The following ACSBG2 variants were observed in gnomAD, a reference collection of about 807,000 sequenced individuals.
The protein encoded by ACSBG2 is acyl-CoA synthetase bubblegum family member 2, also known as long-chain-fatty-acid--CoA ligase ACSBG2.
In ACSBG2, 62 loss-of-function variants were observed where a neutral mutation model predicts 74.7. The observed-to-expected ratio is 0.83, with a 90% confidence interval of 0.68 to 1.03. ACSBG2 has a LOEUF of 1.03. Ranked by LOEUF, ACSBG2 falls within the 50% of genes least tolerant of loss-of-function variation. ACSBG2 has a pLI of 0.00. For missense variants in ACSBG2, 730 were observed against 817.6 expected, an observed-to-expected ratio of 0.89 and a Z score of 1.31; for synonymous variants, 309 against 294.1, an observed-to-expected ratio of 1.05 and a Z score of -0.52.
chr19:6,136,773 G>A (rs1191700825), intron 1 of ACSBG2, among the ~76,000 whole-genome samples: 3 of 151,890 alleles, frequency 2.0e-5, no homozygotes, highest in Non-Finnish European at 2.9e-5. Flanking sequence ...TTTTCACTTC[G>A]TGAAATCGAA....
rs2088541223 is a variant in ACSBG2 at position 6,135,795 on chromosome 19, G to A, written c.-146G>A. The A allele has an allele frequency of 1.3e-5, 2 of 152,254 alleles. No individual in the cohort carries two copies. Among genetic ancestry groups the A allele is most frequent in the African/African-American group, 4.8e-5 (2 of 41,442 alleles). 9.4% of individuals were successfully genotyped at this position (152,254 alleles called of 1,614,324 possible). On this transcript the variant is annotated 5_prime_UTR_variant, in exon 1 of 15. Transcript: ENST00000588485. ...GGGCAGCTCATGTTCAGGTTTCCAG[G>A]AGGGGCTACCTGTTGACTGTCTTTG...
rs2090038249 is a variant in ACSBG2, at chr19:6,174,263, G to A, written c.739-2966G>A. Among the ~76,000 whole-genome samples, 1 of 152,088 alleles carries A rather than the reference G, an allele frequency of 6.6e-6. No individual in the cohort carries two copies. ...TCACTCTTGAACTTCTTAACCTGGT[G>A]GCTGACTCTCCCAACAGCAAGTGGT... On this transcript the variant is annotated intron_variant, in intron 7 of 14. Transcript: ENST00000588485. The surrounding 1 kb of genome is among the most constrained non-coding windows in gnomAD (Gnocchi z 4.2).
At chr19:6,161,501 C>T (rs2089615556) in intron 6 of ACSBG2, 1 of 487,272 alleles carries the variant, frequency 2.1e-6, no homozygotes, top group Non-Finnish European at 3.8e-6. Flanking sequence ...GTGGGTGTGA[C>T]CTTTCAAAGG....
intron 2 of ACSBG2, among the ~76,000 whole-genome samples, chr19:6,143,330 G>A (rs1162587287): frequency 1.3e-5 from 2 of 151,924 alleles, no homozygotes; most frequent in Non-Finnish European, 2.9e-5. Context: ...GTTGCAGTGA[G>A]CCAAGATCAC....
intron 1 of ACSBG2, among the ~76,000 whole-genome samples, chr19:6,136,185 A>G (rs2088557951): frequency 1.3e-5 from 2 of 150,256 alleles, no homozygotes; most frequent in African/African-American, 2.5e-5. Context: ...TTCGCCTCCC[A>G]GGTTCACACC....
At chr19:6,167,531 T>A (rs2089843156) in intron 7 of ACSBG2, among the ~76,000 whole-genome samples, 1 of 152,234 alleles carries the variant, frequency 6.6e-6, no homozygotes, top group Non-Finnish European at 1.5e-5. Flanking sequence ...TCTCTGAATT[T>A]CTCATTTTAA....
chr19:6,181,564 G>A lies in ACSBG2; in HGVS notation c.907-1187G>A, dbSNP rs577714818. 2.1e-3 allele frequency among the ~76,000 whole-genome samples: 313 copies of A among 152,234 alleles called. 2 individuals carry two copies. The highest frequency in any genetic ancestry group is 6.8e-3 in the Middle Eastern group (2 of 294). ...AGAGGAAAAAGTGTTTAAGTTGGAT[G>A]AAGTTTGATTTATCTATTTTCTTTT... On this transcript the variant is annotated intron_variant, in intron 8 of 14. Coordinates refer to ENST00000588485, the MANE Select transcript of ACSBG2 (RefSeq NM_030924.5).
At chr19:6,163,058 T>A (rs997607833) in intron 6 of ACSBG2, among the ~76,000 whole-genome samples, 34 of 151,140 alleles carry the variant, frequency 2.2e-4, no homozygotes, top group Non-Finnish European at 4.3e-4. Flanking sequence ...ACAAATAACC[T>A]GAGGTCAAGA....
At chr19:6,150,609 G>A (rs960829935) in intron 3 of ACSBG2, among the ~76,000 whole-genome samples, 2 of 152,186 alleles carry the variant, frequency 1.3e-5, no homozygotes, top group Non-Finnish European at 2.9e-5. Context: ...GGCAAATCCC[G>A]TATGGTTTCT....
chr19:6,149,014 G>A (rs1210374747), intron 3 of ACSBG2, among the ~76,000 whole-genome samples: 1 of 152,154 alleles, frequency 6.6e-6, no homozygotes. Context: ...AGCTGAGGCA[G>A]GAGAATCGCT....
chr19:6,181,045 A>G (rs1346687012), intron 8 of ACSBG2, among the ~76,000 whole-genome samples: 2 of 113,146 alleles, frequency 1.8e-5, no homozygotes, highest in African/African-American at 4.2e-5. Flanking sequence ...CGTCTCTACT[A>G]AAAAAAAAAA....
intron 13 of ACSBG2, among the ~76,000 whole-genome samples, chr19:6,189,533 TTTTTG>T (rs911142129): frequency 3.9e-5 from 6 of 152,016 alleles, no homozygotes; most frequent in African/African-American, 1.5e-4. Context: ...TCTTGTTTTT[TTTTTG>T]TTTGTTTTGA....
At chr19:6,192,173 G>A (rs761463032) in intron 14 of ACSBG2, 12 of 150,386 alleles carry the variant, frequency 8.0e-5, no homozygotes, top group East Asian at 5.8e-4. Context: ...ACCGGGTTAC[G>A]TAAAATATTT....
chr19:6,148,480 A>G (rs2089122217), intron 3 of ACSBG2, among the ~76,000 whole-genome samples: 1 of 152,082 alleles, frequency 6.6e-6, no homozygotes, highest in African/African-American at 2.4e-5. Context: ...CCCCAGTCTC[A>G]ATGAAAAATT....
chr19:6,177,428 T>A, intron 8 of ACSBG2, 32 bp downstream of exon 8: 2 of 1,543,928 alleles, frequency 1.3e-6, no homozygotes, highest in Non-Finnish European at 1.7e-6. Flanking sequence ...GGGCTCCGAC[T>A]TCATCCTCTT....
At chr19:6,150,968 G>T (rs1361509889) in intron 3 of ACSBG2, among the ~76,000 whole-genome samples, 2 of 151,862 alleles carry the variant, frequency 1.3e-5, no homozygotes, top group Non-Finnish European at 2.9e-5. Flanking sequence ...ACAAAAATTA[G>T]CCAGGCGTGG....
chr19:6,159,180 A>T (rs1600065261), intron 5 of ACSBG2, among the ~76,000 whole-genome samples: 1 of 151,866 alleles, frequency 6.6e-6, no homozygotes, highest in African/African-American at 2.4e-5. Context: ...CTGCTCTTGA[A>T]CTCCTGGCCT....
chr19:6,136,614 C>T (rs1330918939), intron 1 of ACSBG2, among the ~76,000 whole-genome samples: 1 of 151,814 alleles, frequency 6.6e-6, no homozygotes, highest in African/African-American at 2.4e-5. Flanking sequence ...CCACCCGACT[C>T]AGCCTCCCAA....
intron 5 of ACSBG2, among the ~76,000 whole-genome samples, chr19:6,158,540 T>C (rs1236815546): frequency 6.6e-6 from 1 of 152,096 alleles, no homozygotes; most frequent in Non-Finnish European, 1.5e-5. Context: ...TATCAGCTTT[T>C]GGCAGGAGGG....
Sources: allele counts gnomAD v4.1 joint callset (sites outside exome capture counted in the v4.1 genomes callset), GRCh38; gene constraint gnomAD v4.1.1; non-coding constraint Gnocchi (gnomAD v3.1); transcripts MANE v1.5; gene names NCBI Gene and HGNC (gene_info 2026-07-23, HGNC 2026-07-21).